EPN1: variants seen among roughly 807,000 people sequenced by gnomAD.
EPN1 encodes the protein epsin 1, also known as epsin-1.
Under a neutral mutation model 56.9 loss-of-function variants are expected in EPN1, and 25 were observed. The observed-to-expected ratio is 0.44, with a 90% CI of 0.32 to 0.61. The LOEUF (loss-of-function observed/expected upper bound fraction) is 0.61, where lower values mean the gene tolerates loss of function less well. Among genes scored for constraint, EPN1 ranks in the 20% least tolerant of loss-of-function variants. EPN1 has a pLI of 0.05. For synonymous variants in EPN1, 411 were observed against 361.8 expected (o/e 1.14, Z -1.54); for missense variants, 785 against 823.7 (o/e 0.95, Z 0.58).
Position 55,694,727 on chromosome 19 carries a change from A to G in EPN1, c.1266A>G (p.Gly422=), listed in dbSNP as rs777144125. 2.6e-6 allele frequency: 4 copies of G among 1,566,368 alleles called. No individual in the cohort carries two copies. The Admixed American group carries it at 5.4e-5, about 21-fold the overall frequency. ...AGCCCCTCTCCCGGATCCTTCCAGG[A>G]GAGCTGGAGCTGCTGGCAGGAGAGG... ...TALPTSGSSA[G]ELELLAGEVP... Residue 422 remains glycine, a splice_region_variant and synonymous_variant, in exon 10 of 11, where the codon GGA becomes GGG. Coordinates refer to ENST00000270460, the MANE Select transcript of EPN1 (RefSeq NM_001130072.2). This position sits in a 1 kb window ranked among gnomAD's most constrained non-coding sequence, Gnocchi z 4.2.
In EPN1 at chr19:55,695,180, C is replaced by T. The variant is rs1415570147; in HGVS notation, c.1555C>T (p.Pro519Ser). The T allele has an allele frequency of 6.2e-7, 1 of 1,613,798 alleles. No individual in the cohort carries two copies. Among genetic ancestry groups the T allele is most frequent in the Non-Finnish European group, 8.5e-7 (1 of 1,179,848 alleles). The change falls in exon 11 of 11, where the codon CCC (proline) becomes TCC (serine). Residue 519 changes from proline to serine, a missense_variant. Transcript: ENST00000270460. The surrounding 1 kb of genome is among the most constrained non-coding windows in gnomAD (Gnocchi z 4.4). ...AGCCACTGGCCCTTCCGTCACCAACCCCTTCCAGCCCGCGCCTCCCGCGAC... is the reference window on the plus strand; with the variant it reads ...AGCCACTGGCCCTTCCGTCACCAACTCCTTCCAGCCCGCGCCTCCCGCGAC... ...GPATGPSVTN[P>S]FQPAPPATLT...
In EPN1 at chr19:55,706,690, A is replaced by G. The variant is rs569986663; in HGVS notation, c.*11334A>G. ...AGAGGGGAAGGGAAGGGAGAGATTT[A>G]AAAAACAATAGTAAAGAGAGATTTA... On this transcript the variant is annotated 3_prime_UTR_variant, in exon 11 of 11. Coordinates refer to ENST00000270460, the MANE Select transcript of EPN1 (RefSeq NM_001130072.2). 1.4e-5 allele frequency: 2 copies of G among 145,046 alleles called. No individual in the cohort carries two copies. The highest frequency in any genetic ancestry group is 4.4e-4 in the South Asian group (2 of 4,562). The allele number at this position is 145,046 out of a possible 1,614,324, so 9.0% of individuals were successfully genotyped here. A position where few individuals can be genotyped will look rare whatever the true frequency, so the allele number is the denominator to read the frequency against.
At chr19:55,677,373 T>A (rs757272429) in intron 1 of EPN1, among the ~76,000 whole-genome samples, 2 of 152,210 alleles carry the variant, frequency 1.3e-5, no homozygotes, top group Non-Finnish European at 2.9e-5. Context: ...AGTGCGAGTG[T>A]CTGCTGGTGT....
chr19:55,694,875 G>C lies in EPN1; in HGVS notation c.1414G>C (p.Glu472Gln). The change falls in exon 10 of 11, where the codon GAG becomes CAG. Residue 472 changes from glutamate (E) to glutamine (Q), a missense_variant. This residue lies in a region of EPN1 where 650 missense variants were observed against 605.0 expected (regional missense o/e 1.07). Coordinates refer to ENST00000270460, the MANE Select transcript of EPN1 (RefSeq NM_001130072.2). The surrounding 1 kb of genome is among the most constrained non-coding windows in gnomAD (Gnocchi z 4.2). The stretch of plus-strand genomic sequence containing the variant: ...CACGCCCCCCACCCGGAAGACGCCG[G>C]AGTCATTCCTGGGGCCCAATGCAGC... ...TPTPPTRKTP[E>Q]SFLGPNAALV... is the part of the protein sequence containing the mutation. 6.2e-7 allele frequency: 1 copy of C among 1,604,386 alleles called. No homozygotes were observed. The highest frequency in any genetic ancestry group is 1.3e-5 in the African/African-American group (1 of 74,808).
At position 55,708,816 on chromosome 19, in the gene EPN1, G is replaced by A. The variant is rs945300486; in HGVS notation, c.*13460G>A. On this transcript the variant is annotated 3_prime_UTR_variant, in exon 11 of 11. Transcript: ENST00000270460. ...GTACCTCTGAAATCACAGCCCTGCT[G>A]CCATGATGTGCAATTACAGGATAGA... is the stretch of plus-strand genomic sequence containing the variant. 19 of 797,984 alleles carry A rather than the reference G, an allele frequency of 2.4e-5. No individual in the cohort carries two copies. Among genetic ancestry groups the A allele is most frequent in the Admixed American group, 6.0e-5 (2 of 33,472 alleles). 49.4% of individuals were successfully genotyped at this position (797,984 alleles called of 1,614,324 possible).
In EPN1 at chr19:55,685,439, G is replaced by A; in HGVS notation, c.272G>A (p.Arg91His). 1.9e-6 allele frequency: 3 copies of A among 1,610,138 alleles called. No homozygotes were observed. The highest frequency in any genetic ancestry group is 1.1e-5 in the South Asian group (1 of 90,398). Residue 91 changes from arginine (R) to histidine (H), a missense_variant, in exon 3 of 11, where the codon CGC (arginine) becomes CAC (histidine). This residue lies in a region of EPN1 where 135 missense variants were observed against 218.7 expected (regional missense o/e 0.62). Coordinates refer to ENST00000270460, the MANE Select transcript of EPN1 (RefSeq NM_001130072.2). ...TACCTCATCAAGACCGGCTCGGAGC[G>A]CGTGTCGCAGCAGTGCAAGGAGAAC... ...MEYLIKTGSERVSQQCKENMY... is the reference protein window; with the variant it reads ...MEYLIKTGSEHVSQQCKENMY...
Position 55,693,954 on chromosome 19 carries a change from G to A in EPN1, c.1265-772G>A, listed in dbSNP as rs191009863. Reference sequence around the variant, plus strand: ...AATCAGGCCAGGCGCAATGGCTCACGCCTGTAATCCCAGCACTTTGGAAGC... The same window carrying A: ...AATCAGGCCAGGCGCAATGGCTCACACCTGTAATCCCAGCACTTTGGAAGC... On this transcript the variant is annotated intron_variant, in intron 9 of 10. Coordinates refer to ENST00000270460, the MANE Select transcript of EPN1 (RefSeq NM_001130072.2). Among the ~76,000 whole-genome samples the A allele has an allele frequency of 7.2e-5, 11 of 152,186 alleles. No individual in the cohort carries two copies. The East Asian group carries it at 1.9e-3, about 27-fold the overall frequency.
In EPN1 at chr19:55,695,201, G is replaced by A. The variant is rs367589322; in HGVS notation, c.1576G>A (p.Ala526Thr). 17 of 1,613,554 alleles carry A rather than the reference G, an allele frequency of 1.1e-5. No individual in the cohort carries two copies. Among genetic ancestry groups the A allele is most frequent in the Admixed American group, 3.3e-5 (2 of 60,010 alleles). The change falls in exon 11 of 11, where the codon GCG becomes ACG. Residue 526 changes from alanine to threonine, a missense_variant. Around this residue, in one of 2 missense-constraint regions of EPN1, gnomAD observed 650 missense variants for 605.0 expected, o/e 1.07. Transcript: ENST00000270460. This position sits in a 1 kb window ranked among gnomAD's most constrained non-coding sequence, Gnocchi z 4.4. The stretch of plus-strand genomic sequence containing the variant: ...CAACCCCTTCCAGCCCGCGCCTCCC[G>A]CGACGCTCACCCTGAACCAGCTCCG... ...VTNPFQPAPP[A>T]TLTLNQLRLS...
In EPN1 at chr19:55,694,755, C is replaced by T. The variant is rs764297580; in HGVS notation, c.1294C>T (p.Pro432Ser). 6.3e-7 allele frequency: 1 copy of T among 1,585,918 alleles called. No individual in the cohort carries two copies. Among genetic ancestry groups the T allele is most frequent in the Non-Finnish European group, 8.6e-7 (1 of 1,163,696 alleles). Reference protein sequence around the residue: ...GELELLAGEVPARSPGAFDMS... With the variant: ...GELELLAGEVSARSPGAFDMS... The stretch of plus-strand genomic sequence containing the variant: ...GCTGGAGCTGCTGGCAGGAGAGGTG[C>T]CGGCCCGAAGCCCTGGGGCGTTTGA... Residue 432 changes from proline (P) to serine (S), a missense_variant, in exon 10 of 11, where the codon CCG becomes TCG. Pro to Ser is a moderately conservative substitution (Grantham distance 74, BLOSUM62 -1). This residue lies in a region of EPN1 where 650 missense variants were observed against 605.0 expected (regional missense o/e 1.07). Transcript: ENST00000270460. The surrounding 1 kb of genome is among the most constrained non-coding windows in gnomAD (Gnocchi z 4.2).
rs952784536 is a variant in EPN1 at position 55,700,696 on chromosome 19, T to G, written c.*5340T>G. 4 of 152,274 alleles carry G rather than the reference T, an allele frequency of 2.6e-5. No homozygotes were observed. Among genetic ancestry groups the G allele is most frequent in the African/African-American group, 9.6e-5 (4 of 41,470 alleles). 9.4% of individuals were successfully genotyped at this position (152,274 alleles called of 1,614,324 possible). On this transcript the variant is annotated 3_prime_UTR_variant, in exon 11 of 11. Coordinates refer to ENST00000270460, the MANE Select transcript of EPN1 (RefSeq NM_001130072.2). ...AACCACTCCTGTTTCACCTACAGCCTCCTCATGGCCCCTCCCCTGGAGCAC... is the reference window on the plus strand; with the variant it reads ...AACCACTCCTGTTTCACCTACAGCCGCCTCATGGCCCCTCCCCTGGAGCAC...
At position 55,692,763 on chromosome 19, in the gene EPN1, T is replaced by A. The variant is rs1374491793; in HGVS notation, c.1144T>A (p.Ser382Thr). The A allele has an allele frequency of 6.3e-7, 1 of 1,589,792 alleles. No homozygotes were observed. The highest frequency in any genetic ancestry group is 2.3e-5 in the East Asian group (1 of 43,532). Residue 382 changes from serine to threonine, a missense_variant, in exon 8 of 11, where the codon TCA becomes ACA. Around this residue, in one of 2 missense-constraint regions of EPN1, gnomAD observed 650 missense variants for 605.0 expected, o/e 1.07. Coordinates refer to ENST00000270460, the MANE Select transcript of EPN1 (RefSeq NM_001130072.2). ...GGCCTTCTCAGATCCCTGGGGAGGG[T>A]CACCTGCCAAGCCCAGCACCAATGG... Reference protein sequence around the residue: ...APAFSDPWGGSPAKPSTNGTT... With the variant: ...APAFSDPWGGTPAKPSTNGTT...
chr19:55,687,200 G>T (rs879300574), intron 3 of EPN1, among the ~76,000 whole-genome samples: 3 of 152,136 alleles, frequency 2.0e-5, no homozygotes, highest in Non-Finnish European at 2.9e-5. Flanking sequence ...AAATGTAAAG[G>T]CCTTTCTTAG....
rs536947130 is a variant in EPN1 at position 55,704,272 on chromosome 19, C to T, written c.*8916C>T. On this transcript the variant is annotated 3_prime_UTR_variant, in exon 11 of 11. Coordinates refer to ENST00000270460, the MANE Select transcript of EPN1 (RefSeq NM_001130072.2). The stretch of plus-strand genomic sequence containing the variant: ...GTCACTGTCACTAGCTGAACTGCGC[C>T]CTCCTGAAAGCTCTATGTTGAAACC... 8.6e-4 allele frequency: 131 copies of T among 152,520 alleles called. 1 individual carries two copies. Among genetic ancestry groups the T allele is most frequent in the African/African-American group, 3.1e-3 (129 of 41,552 alleles). 9.4% of individuals were successfully genotyped at this position (152,520 alleles called of 1,614,324 possible). A position where few individuals can be genotyped will look rare whatever the true frequency, so the allele number is the denominator to read the frequency against.
Position 55,692,733 on chromosome 19 carries a change from GC to G in EPN1, c.1118del (p.Pro373ArgfsTer69). The G allele has an allele frequency of 6.4e-7, 1 of 1,572,626 alleles. No homozygotes were observed. Among genetic ancestry groups the G allele is most frequent in the East Asian group, 2.4e-5 (1 of 42,444 alleles). On this transcript the variant is annotated frameshift_variant, in exon 8 of 11. Transcript: ENST00000270460. LOFTEE classifies it high-confidence loss of function. ...GPSASDPWTP[A>X]PAFSDPWGGS... Reference sequence around the variant, plus strand: ...CTCAGCCTCCGATCCCTGGACACCGGCCCCGGCCTTCTCAGATCCCTGGGGA... The same window carrying G: ...CTCAGCCTCCGATCCCTGGACACCGGCCCGGCCTTCTCAGATCCCTGGGGA...
chr19:55,689,745 C>T lies in EPN1; in HGVS notation c.679-122C>T. On this transcript the variant is annotated intron_variant, in intron 5 of 10. Transcript: ENST00000270460. This position sits in a 1 kb window ranked among gnomAD's most constrained non-coding sequence, Gnocchi z 5.7. ...CCCCATTTCATACATTGTCCGCATC[C>T]CATCGAATCCTTCAGCCGCTTTCGT... 1.1e-6 allele frequency: 1 copy of T among 884,262 alleles called. No individual in the cohort carries two copies. The highest frequency in any genetic ancestry group is 2.6e-5 in the East Asian group (1 of 38,030). 54.8% of individuals were successfully genotyped at this position (884,262 alleles called of 1,614,324 possible).
rs780034411 is a variant in EPN1, at chr19:55,689,998, C to T, written c.762+48C>T. The T allele has an allele frequency of 2.6e-5, 39 of 1,504,728 alleles. No homozygotes were observed. Among genetic ancestry groups the T allele is most frequent in the East Asian group, 4.8e-5 (2 of 41,512 alleles). The allele number at this position is 1,504,728 out of a possible 1,614,324, so 93.2% of individuals were successfully genotyped here. Reference sequence around the variant, plus strand: ...TCCCTGGCCCCTGCAGGTGTCCGTCCGTCCCATCGCTCATTCCTGCGTGGC... The same window carrying T: ...TCCCTGGCCCCTGCAGGTGTCCGTCTGTCCCATCGCTCATTCCTGCGTGGC... On this transcript the variant is annotated intron_variant, in intron 6 of 10. Transcript: ENST00000270460. This position sits in a 1 kb window ranked among gnomAD's most constrained non-coding sequence, Gnocchi z 5.7.
intron 2 of EPN1, among the ~76,000 whole-genome samples, chr19:55,682,910 C>G (rs1224254609): frequency 6.6e-6 from 1 of 152,134 alleles, no homozygotes; most frequent in East Asian, 1.9e-4. Flanking sequence ...GTACTTGCCA[C>G]CACGCCTGGC....
chr19:55,684,734 C>T (rs185692084), intron 2 of EPN1, among the ~76,000 whole-genome samples: 62 of 152,320 alleles, frequency 4.1e-4, no homozygotes, highest in Non-Finnish European at 7.6e-4. Flanking sequence ...ACATTTCAAA[C>T]TAGTACTAAG....
chr19:55,701,097 C>T lies in EPN1; in HGVS notation c.*5741C>T, dbSNP rs1243173706. ...GAGGGCTCCCTGGTTCCCATCTTAT[C>T]AAGATGCTGGACTCGGTGCTTGAAA... On this transcript the variant is annotated 3_prime_UTR_variant, in exon 11 of 11. Transcript: ENST00000270460. The T allele has an allele frequency of 6.6e-6, 1 of 152,162 alleles. No individual in the cohort carries two copies. The highest frequency in any genetic ancestry group is 1.5e-5 in the Non-Finnish European group (1 of 68,046). The allele number at this position is 152,162 out of a possible 1,614,324, so 9.4% of individuals were successfully genotyped here. A position where few individuals can be genotyped will look rare whatever the true frequency, so the allele number is the denominator to read the frequency against.
Sources: allele counts gnomAD v4.1 joint callset (sites outside exome capture counted in the v4.1 genomes callset), GRCh38; gene constraint gnomAD v4.1.1; regional missense constraint gnomAD v4.1.1; non-coding constraint Gnocchi (gnomAD v3.1); transcripts MANE v1.5; gene names NCBI Gene and HGNC (gene_info 2026-07-23, HGNC 2026-07-21).